The following KYNU variants were observed in gnomAD, a reference collection of about 807,000 sequenced individuals.
The protein encoded by KYNU is L-kynurenine hydrolase.
In KYNU, 54 loss-of-function variants were observed where a neutral mutation model predicts 59.2. The ratio of observed to expected loss-of-function variants is 0.91; its 90% confidence interval spans 0.73 to 1.14. KYNU has a LOEUF of 1.14. Ranked by LOEUF, KYNU falls within the 50% of genes most tolerant of loss-of-function variation. The pLI is 0.00. For synonymous variants in KYNU, 177 were observed against 192.0 expected, an observed-to-expected ratio of 0.92 and a Z score of 0.65; for missense variants, 567 against 554.4, an observed-to-expected ratio of 1.02 and a Z score of -0.23.
intron 10 of KYNU, among the ~76,000 whole-genome samples, chr2:143,022,422 A>C (rs1456867217): frequency 6.6e-6 from 1 of 152,036 alleles, no homozygotes; most frequent in Non-Finnish European, 1.5e-5. Flanking sequence ...ATCTGTTTGC[A>C]GTATTTTATG....
chr2:142,984,963 A>G (rs10496933), intron 8 of KYNU, 121 bp from the exon 9 acceptor site: 72,213 of 724,714 alleles, frequency 0.1, 4,417 homozygotes, highest in East Asian at 0.18. Flanking sequence ...GAACCATTGC[A>G]TCAAAGAGCA....
In KYNU at chr2:143,054,949, ATG is replaced by A. The variant is rs1477271421; in HGVS notation, c.*12779_*12780del. 2.0e-5 allele frequency: 3 copies of A among 152,226 alleles called. No homozygotes were observed. The highest frequency in any genetic ancestry group is 7.2e-5 in the African/African-American group (3 of 41,462). 9.4% of individuals were successfully genotyped at this position (152,226 alleles called of 1,614,324 possible). ...AGAATTGAGGAAATTTGAATGAGAA[ATG>A]TATTTTTATCTAATTTGTTAGCTGT... On this transcript the variant is annotated 3_prime_UTR_variant, in exon 14 of 14. Coordinates refer to ENST00000264170, the MANE Select transcript of KYNU (RefSeq NM_003937.3).
intron 4 of KYNU, among the ~76,000 whole-genome samples, chr2:142,941,311 C>T (rs562712186): frequency 8.5e-5 from 13 of 152,272 alleles, no homozygotes; most frequent in African/African-American, 3.1e-4. Flanking sequence ...CAGCCCTGTA[C>T]CCTGAACTGA....
chr2:143,039,455 T>C (rs1686974109), intron 12 of KYNU, among the ~76,000 whole-genome samples: 1 of 152,178 alleles, frequency 6.6e-6, no homozygotes, highest in Non-Finnish European at 1.5e-5. Context: ...TTACATTGTA[T>C]GATATTTAAA....
At chr2:143,034,939 C>T (rs987848778) in intron 12 of KYNU, among the ~76,000 whole-genome samples, 4 of 152,128 alleles carry the variant, frequency 2.6e-5, no homozygotes, top group East Asian at 1.9e-4. Flanking sequence ...TCCTTTTAGA[C>T]GCCTTCACTT....
At chr2:143,032,735 G>GTGTGTGTGTGTC (rs1159733993) in intron 11 of KYNU, among the ~76,000 whole-genome samples, 1 of 151,430 alleles carries the variant, frequency 6.6e-6, no homozygotes, top group Admixed American at 6.6e-5. Flanking sequence ...GTGTGTGTGT[G>GTGTGTGTGTGTC]TGTGTGTCTG....
chr2:142,942,454 T>A (rs1683637013), intron 4 of KYNU, among the ~76,000 whole-genome samples: 1 of 152,176 alleles, frequency 6.6e-6, no homozygotes, highest in Admixed American at 6.5e-5. Flanking sequence ...TGGAAGTAAG[T>A]GTGGTTTAAA....
At chr2:142,912,703 CTT>C (rs1163302368) in intron 2 of KYNU, among the ~76,000 whole-genome samples, 16 of 71,866 alleles carry the variant, frequency 2.2e-4, no homozygotes, top group South Asian at 9.7e-4. Flanking sequence ...TTCTTTCTTC[CTT>C]TTTTTTTTTT....
chr2:142,975,974 C>G (rs976764253), intron 8 of KYNU, among the ~76,000 whole-genome samples: 1 of 152,046 alleles, frequency 6.6e-6, no homozygotes, highest in Admixed American at 6.6e-5. Context: ...TTCTTATCTT[C>G]AAAATTAATG....
At chr2:143,036,423 G>C (rs1233875539) in intron 12 of KYNU, among the ~76,000 whole-genome samples, 1 of 151,996 alleles carries the variant, frequency 6.6e-6, no homozygotes, top group Non-Finnish European at 1.5e-5. Context: ...AAGACGTAAA[G>C]GTAGAGGGTA....
chr2:143,021,589 G>C (rs77403458), intron 10 of KYNU, among the ~76,000 whole-genome samples: 1 of 152,084 alleles, frequency 6.6e-6, no homozygotes, highest in African/African-American at 2.4e-5. Context: ...TGGGGGGCAG[G>C]CACCTCACGT....
rs980182847 is a variant in KYNU, at chr2:142,960,693, A to G, written c.652A>G (p.Ile218Val). The G allele has an allele frequency of 2.5e-6, 4 of 1,613,832 alleles. No homozygotes were observed. The highest frequency in any genetic ancestry group is 3.4e-6 in the Non-Finnish European group (4 of 1,179,798). ...GAAGGAAGGAGACTCAATTGCAGTG[A>G]TCCTGTTCAGTGGGGTGCATTTTTA... is the stretch of plus-strand genomic sequence containing the variant. ...IEKEGDSIAV[I>V]LFSGVHFYTG... The change falls in exon 8 of 14, where the codon ATC (isoleucine) becomes GTC (valine). Residue 218 changes from isoleucine (I) to valine (V), a missense_variant. Ile to Val is a conservative substitution (Grantham distance 29). Coordinates refer to ENST00000264170, the MANE Select transcript of KYNU (RefSeq NM_003937.3).
intron 7 of KYNU, among the ~76,000 whole-genome samples, chr2:142,960,073 G>T (rs567912688): frequency 2.8e-4 from 42 of 152,258 alleles, no homozygotes; most frequent in African/African-American, 8.9e-4. Context: ...TTTTAATAAA[G>T]ACTGAGTTTC....
chr2:142,933,769 T>C (rs2105030696), intron 4 of KYNU, among the ~76,000 whole-genome samples: 1 of 152,198 alleles, frequency 6.6e-6, no homozygotes, highest in South Asian at 2.1e-4. Context: ...GTTTTAGGGA[T>C]AGGGTACTGA....
intron 2 of KYNU, among the ~76,000 whole-genome samples, chr2:142,898,725 C>T (rs916150606): frequency 6.6e-6 from 1 of 152,144 alleles, no homozygotes; most frequent in Non-Finnish European, 1.5e-5. Flanking sequence ...ATGGGGCGGG[C>T]CGCTCCCAAG....
chr2:143,047,573 C>T lies in KYNU; in HGVS notation c.*5401C>T, dbSNP rs1687186018. 6.6e-6 allele frequency: 1 copy of T among 151,070 alleles called. No homozygotes were observed. 9.4% of individuals were successfully genotyped at this position (151,070 alleles called of 1,614,324 possible). A position where few individuals can be genotyped will look rare whatever the true frequency, so the allele number is the denominator to read the frequency against. On this transcript the variant is annotated 3_prime_UTR_variant, in exon 14 of 14. Transcript: ENST00000264170. ...TCTCTTTCTTTCTTTCTTTCTTTCT[C>T]ACAGGGTGTCACTCTGTTGCCCAGG...
rs751576959 is a variant in KYNU at position 142,918,730 on chromosome 2, G to T, written c.290+1G>T. 1 of 1,610,280 alleles carries T rather than the reference G, an allele frequency of 6.2e-7. No homozygotes were observed. Among genetic ancestry groups the T allele is most frequent in the Non-Finnish European group, 8.5e-7 (1 of 1,177,368 alleles). On this transcript the variant is annotated splice_donor_variant, in intron 3 of 13. Transcript: ENST00000264170. LOFTEE classifies it high-confidence loss of function. The stretch of plus-strand genomic sequence containing the variant: ...AAGAACTAGATAAGTGGGCCAAAAT[G>T]TAAGTATTATTTTAAAAGCTACTAC...
At chr2:142,959,727 T>C (rs543335799) in intron 7 of KYNU, among the ~76,000 whole-genome samples, 2 of 151,948 alleles carry the variant, frequency 1.3e-5, no homozygotes, top group South Asian at 4.2e-4. Flanking sequence ...TAGTAAGTAA[T>C]CAATTATTAG....
rs60882035 is a variant in KYNU, at chr2:143,044,533, C to T, written c.*2361C>T. 0.12 allele frequency: 17,857 copies of T among 152,090 alleles called. 1,121 individuals are homozygous for T. Among genetic ancestry groups the T allele is most frequent in the East Asian group, 0.25 (1,286 of 5,174 alleles). The allele number at this position is 152,090 out of a possible 1,614,324, so 9.4% of individuals were successfully genotyped here. A position where few individuals can be genotyped will look rare whatever the true frequency, so the allele number is the denominator to read the frequency against. On this transcript the variant is annotated 3_prime_UTR_variant, in exon 14 of 14. Transcript: ENST00000264170. ...TTTTAATGATTAGCATTCTAACTGG[C>T]GTGAGATGGTATTTCATTGTGGTTT...
Sources: allele counts gnomAD v4.1 joint callset (sites outside exome capture counted in the v4.1 genomes callset), GRCh38; gene constraint gnomAD v4.1.1; transcripts MANE v1.5; gene names NCBI Gene and HGNC (gene_info 2026-07-23, HGNC 2026-07-21).